The following POU5F2 variants were observed in gnomAD, a reference collection of about 807,000 sequenced individuals.
The protein encoded by POU5F2 is POU domain, class 5, transcription factor 2.
For synonymous variants in POU5F2, 191 were observed against 178.7 expected, an observed-to-expected ratio of 1.07 and a Z score of -0.55; for missense variants, 401 against 426.6, an observed-to-expected ratio of 0.94 and a Z score of 0.53.
Position 93,734,459 on chromosome 5 carries a change from T to G in POU5F2, c.*6118A>C, listed in dbSNP as rs1746781607. 1 of 152,170 alleles carries G rather than the reference T, an allele frequency of 6.6e-6. No individual in the cohort carries two copies. Among genetic ancestry groups the G allele is most frequent in the Non-Finnish European group, 1.5e-5 (1 of 68,026 alleles). 9.4% of individuals were successfully genotyped at this position (152,170 alleles called of 1,614,324 possible). On this transcript the variant is annotated 3_prime_UTR_variant, in exon 1 of 1. Transcript: ENST00000606183. ...GCCACGGTCCTCTTTGAATATGTGA[T>G]GAAGGCTATGAACCATCTTTAAAGA...
In POU5F2 at chr5:93,733,270, G is replaced by T. The variant is rs1746526489; in HGVS notation, c.*7307C>A. 2 of 147,914 alleles carry T rather than the reference G, an allele frequency of 1.4e-5. No homozygotes were observed. The highest frequency in any genetic ancestry group is 1.4e-4 in the Admixed American group (2 of 14,644). The allele number at this position is 147,914 out of a possible 1,614,324, so 9.2% of individuals were successfully genotyped here. A position where few individuals can be genotyped will look rare whatever the true frequency, so the allele number is the denominator to read the frequency against. The stretch of plus-strand genomic sequence containing the variant: ...GACTGGAGTCCAGGGGCATGATCTT[G>T]GCTCACTGCAACCTCCGCCTCCCGG... On this transcript the variant is annotated 3_prime_UTR_variant, in exon 1 of 1. Transcript: ENST00000606183.
rs1318549347 is a variant in POU5F2 at position 93,739,288 on chromosome 5, T to G, written c.*1289A>C. 2 of 151,708 alleles carry G rather than the reference T, an allele frequency of 1.3e-5. No individual in the cohort carries two copies. Among genetic ancestry groups the G allele is most frequent in the Non-Finnish European group, 2.9e-5 (2 of 67,906 alleles). The allele number at this position is 151,708 out of a possible 1,614,324, so 9.4% of individuals were successfully genotyped here. A position where few individuals can be genotyped will look rare whatever the true frequency, so the allele number is the denominator to read the frequency against. The stretch of plus-strand genomic sequence containing the variant: ...AAACTAAGTACTCATCTAAAAATTA[T>G]CTAAAAAAGAACAATGAAAGAAACC... On this transcript the variant is annotated 3_prime_UTR_variant, in exon 1 of 1. Coordinates refer to ENST00000606183, the MANE Select transcript of POU5F2 (RefSeq NM_153216.2).
rs1318221369 is a variant in POU5F2 at position 93,738,462 on chromosome 5, C to T, written c.*2115G>A. On this transcript the variant is annotated 3_prime_UTR_variant, in exon 1 of 1. Coordinates refer to ENST00000606183, the MANE Select transcript of POU5F2 (RefSeq NM_153216.2). ...ACTCCTATGTATACATCCAAGAGAACTGAAACAACAGATAAACAAATAGAT... is the reference window on the plus strand; with the variant it reads ...ACTCCTATGTATACATCCAAGAGAATTGAAACAACAGATAAACAAATAGAT... The T allele has an allele frequency of 6.6e-6, 1 of 152,168 alleles. No individual in the cohort carries two copies. The highest frequency in any genetic ancestry group is 1.9e-4 in the East Asian group (1 of 5,192). 9.4% of individuals were successfully genotyped at this position (152,168 alleles called of 1,614,324 possible).
Position 93,741,457 on chromosome 5 carries a change from C to T in POU5F2, c.107G>A (p.Ser36Asn). ...PLRVDTLTWL[S>N]TQAAPGRVMV... is the part of the protein sequence containing the mutation. ...CACCCTGCCAGGGGCCGCCTGGGTG[C>T]TCAACCAGGTCAGAGTGTCAACCCG... The change falls in exon 1 of 1, where the codon AGC becomes AAC. Residue 36 changes from serine to asparagine, a missense_variant. By Grantham distance (46) the Ser-to-Asn change is conservative (BLOSUM62 1). Transcript: ENST00000606183. 6.2e-7 allele frequency: 1 copy of T among 1,613,536 alleles called. No individual in the cohort carries two copies. Among genetic ancestry groups the T allele is most frequent in the South Asian group, 1.1e-5 (1 of 91,076 alleles).
chr5:93,741,514 C>G lies in POU5F2; in HGVS notation c.50G>C (p.Gly17Ala). Residue 17 changes from glycine (G) to alanine (A), a missense_variant, in exon 1 of 1, where the codon GGT (glycine) becomes GCT (alanine). By Grantham distance (60) the Gly-to-Ala change is moderately conservative. Transcript: ENST00000606183. ...SNHFCPLPGSGGGGPRGPMPL... is the reference protein window; with the variant it reads ...SNHFCPLPGSAGGGPRGPMPL... ...CATCGGCCCTCTGGGGCCGCCCCCA[C>G]CACTGCCTGGAAGGGGGCAGAAGTG... is the stretch of plus-strand genomic sequence containing the variant. The G allele has an allele frequency of 1.9e-6, 3 of 1,609,390 alleles. No individual in the cohort carries two copies. Among genetic ancestry groups the G allele is most frequent in the Non-Finnish European group, 2.5e-6 (3 of 1,177,952 alleles).
At position 93,741,037 on chromosome 5, in the gene POU5F2, T is replaced by C. The variant is rs760075591; in HGVS notation, c.527A>G (p.Asn176Ser). ...RFEAQQLSVA[N>S]MWKLRPLLKK... ...CAGCAGTGGTCGCAGCTTCCACATGTTGGCGACGCTTAGCTGCTGGGCCTC... is the reference window on the plus strand; with the variant it reads ...CAGCAGTGGTCGCAGCTTCCACATGCTGGCGACGCTTAGCTGCTGGGCCTC... The change falls in exon 1 of 1, where the codon AAC (asparagine) becomes AGC (serine). Residue 176 changes from asparagine to serine, a missense_variant. Asn to Ser is a conservative substitution (Grantham distance 46). Coordinates refer to ENST00000606183, the MANE Select transcript of POU5F2 (RefSeq NM_153216.2). 7 of 1,613,910 alleles carry C rather than the reference T, an allele frequency of 4.3e-6. No individual in the cohort carries two copies.
In POU5F2 at chr5:93,740,597, G is replaced by A. The variant is rs938175379; in HGVS notation, c.967C>T (p.Leu323=). Residue 323 remains leucine (L), a synonymous_variant, in exon 1 of 1, where the codon CTG becomes TTG. Coordinates refer to ENST00000606183, the MANE Select transcript of POU5F2 (RefSeq NM_153216.2). ...VAHSSAPATT[L]GLLRF Reference sequence around the variant, plus strand: ...CAGCCCTAAAATCTGAGGAGGCCCAGAGTGGTGGCTGGGGCAGAGGAGTGG... The same window carrying A: ...CAGCCCTAAAATCTGAGGAGGCCCAAAGTGGTGGCTGGGGCAGAGGAGTGG... 4.4e-6 allele frequency: 7 copies of A among 1,598,460 alleles called. No individual in the cohort carries two copies. The highest frequency in any genetic ancestry group is 6.0e-6 in the Non-Finnish European group (7 of 1,167,080).
Position 93,739,568 on chromosome 5 carries a change from T to C in POU5F2, c.*1009A>G, listed in dbSNP as rs1224670453. 6.6e-6 allele frequency: 1 copy of C among 152,084 alleles called. No individual in the cohort carries two copies. The highest frequency in any genetic ancestry group is 1.5e-5 in the Non-Finnish European group (1 of 68,012). 9.4% of individuals were successfully genotyped at this position (152,084 alleles called of 1,614,324 possible). On this transcript the variant is annotated 3_prime_UTR_variant, in exon 1 of 1. Transcript: ENST00000606183. The stretch of plus-strand genomic sequence containing the variant: ...GAGCATGCAGGTGTGTGACAGCAGA[T>C]TTGAAAACACAGAGGTACTAAATGG...
rs1748492390 is a variant in POU5F2, at chr5:93,741,511, C to T, written c.53G>A (p.Gly18Glu). The T allele has an allele frequency of 6.2e-7, 1 of 1,610,074 alleles. No homozygotes were observed. Among genetic ancestry groups the T allele is most frequent in the East Asian group, 2.2e-5 (1 of 44,768 alleles). ...GGGCATCGGCCCTCTGGGGCCGCCC[C>T]CACCACTGCCTGGAAGGGGGCAGAA... ...NHFCPLPGSG[G>E]GGPRGPMPLR... Residue 18 changes from glycine (G) to glutamate (E), a missense_variant, in exon 1 of 1, where the codon GGG becomes GAG. By Grantham distance (98) the Gly-to-Glu change is moderately conservative. Coordinates refer to ENST00000606183, the MANE Select transcript of POU5F2 (RefSeq NM_153216.2).
chr5:93,741,119 T>TC, the POU5F2 span: 1 of 1,613,852 alleles, frequency 6.2e-7, no homozygotes, highest in Non-Finnish European at 8.5e-7. Context: ...CCCACAGCGA[T>TC]CCCCACATCG....
chr5:93,737,817 A>G lies in POU5F2; in HGVS notation c.*2760T>C. ...GAATGAAGTTGGGCACTTACCTCAT[A>G]CCGTATACAAAAATTAACTTGAAAT... On this transcript the variant is annotated 3_prime_UTR_variant, in exon 1 of 1. Transcript: ENST00000606183. 1 of 401,886 alleles carries G rather than the reference A, an allele frequency of 2.5e-6. No homozygotes were observed. Among genetic ancestry groups the G allele is most frequent in the Non-Finnish European group, 4.8e-6 (1 of 206,990 alleles). 24.9% of individuals were successfully genotyped at this position (401,886 alleles called of 1,614,324 possible). A position where few individuals can be genotyped will look rare whatever the true frequency, so the allele number is the denominator to read the frequency against.
chr5:93,741,552 GT>G, the POU5F2 span: 1 of 1,569,878 alleles, frequency 6.4e-7, no homozygotes, highest in Non-Finnish European at 8.6e-7. Context: ...TTGAGGGCCT[GT>G]GTCCGGCCAT....
rs199511635 is a variant in POU5F2, at chr5:93,740,901, G to A, written c.663C>T (p.Ile221=). The A allele has an allele frequency of 5.9e-5, 96 of 1,613,878 alleles. No homozygotes were observed. Among genetic ancestry groups the A allele is most frequent in the Non-Finnish European group, 7.5e-5 (89 of 1,179,902 alleles). The change falls in exon 1 of 1, where the codon ATC becomes ATT. Residue 221 remains isoleucine, a synonymous_variant. Coordinates refer to ENST00000606183, the MANE Select transcript of POU5F2 (RefSeq NM_153216.2). ...KWRRASRERR[I]GNSLEKFFQR... Reference sequence around the variant, plus strand: ...GGAAGAATTTCTCCAGGCTGTTTCCGATTCGTCGCTCTCTGCTTGCCCGTC... The same window carrying A: ...GGAAGAATTTCTCCAGGCTGTTTCCAATTCGTCGCTCTCTGCTTGCCCGTC...
rs1056181509 is a variant in POU5F2 at position 93,741,311 on chromosome 5, C to T, written c.253G>A (p.Ala85Thr). The change falls in exon 1 of 1, where the codon GCT becomes ACT. Residue 85 changes from alanine to threonine, a missense_variant. By Grantham distance (58) the Ala-to-Thr change is moderately conservative (BLOSUM62 0). Coordinates refer to ENST00000606183, the MANE Select transcript of POU5F2 (RefSeq NM_153216.2). The part of the protein sequence containing the change: ...WIAPCRPRLG[A>T]SEAGDWLRRP... Reference sequence around the variant, plus strand: ...CGCAACCAGTCCCCTGCCTCACTAGCTCCAAGACGGGGCCTGCAGGGTGCT... The same window carrying T: ...CGCAACCAGTCCCCTGCCTCACTAGTTCCAAGACGGGGCCTGCAGGGTGCT... 1.2e-6 allele frequency: 2 copies of T among 1,613,478 alleles called. No homozygotes were observed. Among genetic ancestry groups the T allele is most frequent in the East Asian group, 2.2e-5 (1 of 44,854 alleles).
Position 93,737,264 on chromosome 5 carries a change from A to G in POU5F2, c.*3313T>C, listed in dbSNP as rs931959262. On this transcript the variant is annotated 3_prime_UTR_variant, in exon 1 of 1. Coordinates refer to ENST00000606183, the MANE Select transcript of POU5F2 (RefSeq NM_153216.2). Reference sequence around the variant, plus strand: ...GAAAGGCTTGTACACTGAAAACTAAAACACTGCTCAAAGAAATTAAAGAAG... The same window carrying G: ...GAAAGGCTTGTACACTGAAAACTAAGACACTGCTCAAAGAAATTAAAGAAG... 1 of 152,208 alleles carries G rather than the reference A, an allele frequency of 6.6e-6. No homozygotes were observed. Among genetic ancestry groups the G allele is most frequent in the African/African-American group, 2.4e-5 (1 of 41,466 alleles). The allele number at this position is 152,208 out of a possible 1,614,324, so 9.4% of individuals were successfully genotyped here. A position where few individuals can be genotyped will look rare whatever the true frequency, so the allele number is the denominator to read the frequency against.
Position 93,740,789 on chromosome 5 carries a change from A to T in POU5F2, c.775T>A (p.Tyr259Asn). ...LQKDVVRVWF[Y>N]NRSKMGSRPT... ...CGACTGCCCATCTTGCTGCGGTTAT[A>T]GAACCAAACTCGAACCACATCCTTC... The change falls in exon 1 of 1, where the codon TAT becomes AAT. Residue 259 changes from tyrosine to asparagine, a missense_variant. Transcript: ENST00000606183. The T allele has an allele frequency of 2.5e-6, 4 of 1,612,748 alleles. No individual in the cohort carries two copies. The highest frequency in any genetic ancestry group is 3.4e-6 in the Non-Finnish European group (4 of 1,179,202).
In POU5F2 at chr5:93,738,584, C is replaced by T. The variant is rs556790888; in HGVS notation, c.*1993G>A. 2.0e-5 allele frequency: 3 copies of T among 152,176 alleles called. No individual in the cohort carries two copies. Among genetic ancestry groups the T allele is most frequent in the Admixed American group, 1.3e-4 (2 of 15,296 alleles). 9.4% of individuals were successfully genotyped at this position (152,176 alleles called of 1,614,324 possible). On this transcript the variant is annotated 3_prime_UTR_variant, in exon 1 of 1. Transcript: ENST00000606183. ...GCCCATCATCAGAGGAATGGATAAA[C>T]AAAATGTGGTATATATCCATACAAT...
At chr5:93,741,423 C>T in the POU5F2 span, 27 of 1,613,358 alleles carry the variant, frequency 1.7e-5, no homozygotes. Context: ...TGACTGCCGG[C>T]CAGACCATCA....
In POU5F2 at chr5:93,740,893, C is replaced by T; in HGVS notation, c.671G>A (p.Ser224Asn). The T allele has an allele frequency of 1.9e-6, 3 of 1,614,012 alleles. No individual in the cohort carries two copies. The highest frequency in any genetic ancestry group is 2.5e-6 in the Non-Finnish European group (3 of 1,179,894). Residue 224 changes from serine (S) to asparagine (N), a missense_variant, in exon 1 of 1, where the codon AGC (serine) becomes AAC (asparagine). Ser to Asn is a conservative substitution (Grantham distance 46). Coordinates refer to ENST00000606183, the MANE Select transcript of POU5F2 (RefSeq NM_153216.2). ...RASRERRIGN[S>N]LEKFFQRCPK... The stretch of plus-strand genomic sequence containing the variant: ...GCACCGCTGGAAGAATTTCTCCAGG[C>T]TGTTTCCGATTCGTCGCTCTCTGCT...
Sources: gnomAD v4.1 joint callset for allele counts on GRCh38, gnomAD v4.1.1 for gene constraint, MANE v1.5 for transcripts, NCBI Gene and HGNC (gene_info 2026-07-23, HGNC 2026-07-21) for gene names.